The following APBA1 variants were observed in gnomAD, a reference collection of about 807,000 sequenced individuals.
APBA1 encodes amyloid beta precursor protein binding family A member 1.
In APBA1, 55 loss-of-function variants were observed where a neutral mutation model predicts 86.6. That is an observed-to-expected ratio of 0.64 (90% CI 0.51 to 0.80). The LOEUF (loss-of-function observed/expected upper bound fraction) is 0.80, where lower values mean the gene tolerates loss of function less well. Among genes scored for constraint, APBA1 ranks in the 30% least tolerant of loss-of-function variants. The pLI, the probability that APBA1 is intolerant of heterozygous loss-of-function variation, is 0.00. For synonymous variants in APBA1, 511 were observed against 493.9 expected (o/e 1.03, Z -0.46); for missense variants, 1,090 against 1,183.0 (o/e 0.92, Z 1.15).
At chr9:69,609,561 G>A (rs889573654) in intron 1 of APBA1, among the ~76,000 whole-genome samples, 11 of 152,098 alleles carry the variant, frequency 7.2e-5, no homozygotes, top group South Asian at 2.1e-4. Flanking sequence ...CCATTGCAAT[G>A]CCTAATACCA....
chr9:69,670,255 A>C (rs1456537759), intron 1 of APBA1, among the ~76,000 whole-genome samples: 1 of 152,206 alleles, frequency 6.6e-6, no homozygotes, highest in Admixed American at 6.5e-5. Flanking sequence ...GCATATGTGG[A>C]TAGCCCTAGT....
chr9:69,489,683 T>C (rs1835671025), intron 2 of APBA1, among the ~76,000 whole-genome samples: 1 of 151,598 alleles, frequency 6.6e-6, no homozygotes, highest in South Asian at 2.1e-4. Flanking sequence ...CAGACACTTC[T>C]CAAATGAAGA....
intron 2 of APBA1, among the ~76,000 whole-genome samples, chr9:69,498,040 G>T (rs1413346917): frequency 6.6e-6 from 1 of 152,062 alleles, no homozygotes; most frequent in Non-Finnish European, 1.5e-5. Flanking sequence ...CCACCTCCTG[G>T]TATTCAGCCT....
intron 1 of APBA1, among the ~76,000 whole-genome samples, chr9:69,522,827 AAG>A (rs1440483934): frequency 1.3e-5 from 2 of 152,272 alleles, no homozygotes; most frequent in South Asian, 2.1e-4. Context: ...CCTCTGGAGG[AAG>A]ACAGAGGCAA....
chr9:69,600,855 A>G (rs891691535), intron 1 of APBA1, among the ~76,000 whole-genome samples: 2 of 149,812 alleles, frequency 1.3e-5, no homozygotes, highest in African/African-American at 4.9e-5. Context: ...AAAAATAAAT[A>G]AAATATAAAA....
At chr9:69,663,250 T>G (rs1168770519) in intron 1 of APBA1, among the ~76,000 whole-genome samples, 1 of 152,256 alleles carries the variant, frequency 6.6e-6, no homozygotes, top group Non-Finnish European at 1.5e-5. Context: ...GTTTCAGTGA[T>G]GTATGTGTGT....
At chr9:69,445,630 C>G (rs1198953843) in intron 10 of APBA1, among the ~76,000 whole-genome samples, 1 of 152,162 alleles carries the variant, frequency 6.6e-6, no homozygotes, top group Non-Finnish European at 1.5e-5. Context: ...GGCAGGACCA[C>G]AGAGGCAAAG....
At chr9:69,547,067 G>C (rs951852297) in intron 1 of APBA1, among the ~76,000 whole-genome samples, 5 of 152,206 alleles carry the variant, frequency 3.3e-5, no homozygotes, top group African/African-American at 1.2e-4. Flanking sequence ...TATGAATCTT[G>C]TAAGTCTTTA....
intron 5 of APBA1, chr9:69,464,275 A>C (rs1298001372): frequency 6.6e-6 from 1 of 152,252 alleles, no homozygotes; most frequent in Non-Finnish European, 1.5e-5. Flanking sequence ...AAGCATTTTA[A>C]TGGATGTAAA....
chr9:69,670,000 T>C (rs1238655701), intron 1 of APBA1, among the ~76,000 whole-genome samples: 2 of 152,210 alleles, frequency 1.3e-5, no homozygotes, highest in African/African-American at 2.4e-5. Flanking sequence ...GAATGGCTTT[T>C]AAATTCCCTA....
At chr9:69,512,700 T>C (rs560060111) in intron 2 of APBA1, among the ~76,000 whole-genome samples, 30 of 152,264 alleles carry the variant, frequency 2.0e-4, no homozygotes, top group Middle Eastern at 3.4e-3. Context: ...AAATCAGTAG[T>C]TCTCAATCTT....
At chr9:69,574,622 G>A (rs935589089) in intron 1 of APBA1, among the ~76,000 whole-genome samples, 1 of 152,158 alleles carries the variant, frequency 6.6e-6, no homozygotes, top group African/African-American at 2.4e-5. Flanking sequence ...TGTAGTTGGT[G>A]TGCTGGTTTT....
At chr9:69,647,496 G>C (rs1823414956) in intron 1 of APBA1, among the ~76,000 whole-genome samples, 1 of 152,174 alleles carries the variant, frequency 6.6e-6, no homozygotes, top group Non-Finnish European at 1.5e-5. Context: ...ACAGTAAAGT[G>C]CAAGCCGACT....
rs76553985 is a variant in APBA1, at chr9:69,494,765, A to G, written c.1201-18622T>C. Among the ~76,000 whole-genome samples, 1,291 of 152,272 alleles carry G rather than the reference A, an allele frequency of 8.5e-3. 23 individuals carry two copies. The highest frequency in any genetic ancestry group is 0.028 in the African/African-American group (1,176 of 41,552). On this transcript the variant is annotated intron_variant, in intron 2 of 12. Coordinates refer to ENST00000265381, the MANE Select transcript of APBA1 (RefSeq NM_001163.4). The stretch of plus-strand genomic sequence containing the variant: ...CCAAAACCACTTTTAATTCCTATTA[A>G]GAGATATAGCTAAGAGCACAAGGAG...
intron 1 of APBA1, among the ~76,000 whole-genome samples, chr9:69,568,619 C>T (rs1416384433): frequency 6.6e-6 from 1 of 152,146 alleles, no homozygotes; most frequent in Non-Finnish European, 1.5e-5. Context: ...AAGTGTGAAA[C>T]TCATTCATAT....
intron 1 of APBA1, among the ~76,000 whole-genome samples, chr9:69,646,865 C>G (rs1823399349): frequency 6.6e-6 from 1 of 152,158 alleles, no homozygotes; most frequent in Non-Finnish European, 1.5e-5. Context: ...CACCCAGGCA[C>G]CAAAGGAACT....
intron 2 of APBA1, among the ~76,000 whole-genome samples, chr9:69,499,285 T>C (rs1835845869): frequency 1.3e-5 from 2 of 152,064 alleles, no homozygotes; most frequent in Non-Finnish European, 1.5e-5. Context: ...TTCCCTTCCC[T>C]AGGAATACAT....
chr9:69,583,882 G>A (rs1325723707), intron 1 of APBA1, among the ~76,000 whole-genome samples: 1 of 152,212 alleles, frequency 6.6e-6, no homozygotes, highest in Non-Finnish European at 1.5e-5. Context: ...CTTGAATGTG[G>A]ATAATGGTAC....
chr9:69,517,331 G>C, intron 1 of APBA1, 52 bp from the exon 2 acceptor site: 1 of 1,366,554 alleles, frequency 7.3e-7, no homozygotes. Context: ...CAGTCGTTAT[G>C]AGCTGAGTAT....
Sources: gnomAD v4.1 joint callset for allele counts (sites outside exome capture counted in the v4.1 genomes callset) on GRCh38, gnomAD v4.1.1 for gene constraint, MANE v1.5 for transcripts, NCBI Gene and HGNC (gene_info 2026-07-23, HGNC 2026-07-21) for gene names.